Variants in NALF1 observed in about 807,000 individuals in gnomAD.
NALF1 encodes the protein NALCN channel auxiliary factor 1, also known as family with sequence similarity 155 member A.
NALF1 carries 3 observed loss-of-function variants against 48.4 expected under a neutral mutation model. The observed-to-expected ratio is 0.06, with a 90% confidence interval of 0.03 to 0.16. The LOEUF is 0.16. Among genes scored for constraint, NALF1 ranks in the 10% least tolerant of loss-of-function variants. The probability of loss-of-function intolerance (pLI) is 1.00; values close to 1 mark genes in which losing one functional copy is unlikely to be tolerated. For missense variants in NALF1, 526 were observed against 571.5 expected, an observed-to-expected ratio of 0.92 and a Z score of 0.81; for synonymous variants, 262 against 245.7, an observed-to-expected ratio of 1.07 and a Z score of -0.62.
intron 1 of NALF1, among the ~76,000 whole-genome samples, chr13:107,252,633 C>A (rs1310553147): frequency 6.6e-6 from 1 of 152,100 alleles, no homozygotes; most frequent in East Asian, 1.9e-4. Context: ...TAATTCCTTG[C>A]AAGTGAATCA....
chr13:107,853,507 T>C lies in NALF1; in HGVS notation c.915+12175A>G, dbSNP rs72657296. ...TAACCACTCCTGCAATTACAGCCTTTTGTAAAGTTGCTACTTTTATGAAAC... is the reference window on the plus strand; with the variant it reads ...TAACCACTCCTGCAATTACAGCCTTCTGTAAAGTTGCTACTTTTATGAAAC... On this transcript the variant is annotated intron_variant, in intron 1 of 2. Transcript: ENST00000375915. 7.9e-3 allele frequency among the ~76,000 whole-genome samples: 1,209 copies of C among 152,330 alleles called. 4 individuals are homozygous for C. Among genetic ancestry groups the C allele is most frequent in the Non-Finnish European group, 0.013 (904 of 68,020 alleles).
At chr13:107,171,805 T>C (rs1054719111) in intron 2 of NALF1, among the ~76,000 whole-genome samples, 1 of 152,198 alleles carries the variant, frequency 6.6e-6, no homozygotes, top group Non-Finnish European at 1.5e-5. Flanking sequence ...ATGAACTTTC[T>C]ACACAAATTT....
intron 1 of NALF1, among the ~76,000 whole-genome samples, chr13:107,570,257 C>T (rs1366172557): frequency 1.3e-5 from 2 of 152,092 alleles, no homozygotes; most frequent in Non-Finnish European, 2.9e-5. Context: ...CAGACATCCT[C>T]ATGTTAATTC....
intron 1 of NALF1, among the ~76,000 whole-genome samples, chr13:107,307,924 A>G (rs1186670001): frequency 1.3e-5 from 2 of 152,178 alleles, no homozygotes; most frequent in Non-Finnish European, 2.9e-5. Flanking sequence ...GCTGTGATTC[A>G]TGATCATGGG....
At chr13:107,702,907 T>C (rs912948480) in intron 1 of NALF1, among the ~76,000 whole-genome samples, 3 of 152,228 alleles carry the variant, frequency 2.0e-5, no homozygotes, top group African/African-American at 7.2e-5. Context: ...TAGTATCCCA[T>C]GGTGTATATG....
intron 1 of NALF1, among the ~76,000 whole-genome samples, chr13:107,376,217 T>C (rs918333263): frequency 2.0e-5 from 3 of 152,182 alleles, no homozygotes; most frequent in Non-Finnish European, 4.4e-5. Flanking sequence ...ACCCTTCAAG[T>C]GACTGCAGTC....
chr13:107,639,751 C>G (rs1289334153), intron 1 of NALF1, among the ~76,000 whole-genome samples: 1 of 152,110 alleles, frequency 6.6e-6, no homozygotes, highest in East Asian at 1.9e-4. Context: ...ATGCCTGAAA[C>G]CTCAAGTAAA....
chr13:107,624,747 AC>A (rs1466684285), intron 1 of NALF1, among the ~76,000 whole-genome samples: 1 of 152,154 alleles, frequency 6.6e-6, no homozygotes, highest in Non-Finnish European at 1.5e-5. Flanking sequence ...TACCAGTACT[AC>A]TCAATTCCTC....
chr13:107,624,485 C>A (rs914364549), intron 1 of NALF1, among the ~76,000 whole-genome samples: 8 of 152,074 alleles, frequency 5.3e-5, no homozygotes, highest in African/African-American at 1.7e-4. Context: ...CTGTATAATA[C>A]TTTTTAGGCA....
intron 1 of NALF1, among the ~76,000 whole-genome samples, chr13:107,461,568 T>C (rs1054940543): frequency 2.0e-5 from 3 of 152,210 alleles, no homozygotes; most frequent in African/African-American, 4.8e-5. Flanking sequence ...TGAAAAATCA[T>C]ATTCTTTTCT....
intron 1 of NALF1, among the ~76,000 whole-genome samples, chr13:107,233,808 G>C (rs1294112063): frequency 6.6e-6 from 1 of 152,176 alleles, no homozygotes; most frequent in African/African-American, 2.4e-5. Context: ...GTGAGGGAGA[G>C]AGGAAAAGCT....
At chr13:107,286,585 T>G (rs1376082887) in intron 1 of NALF1, among the ~76,000 whole-genome samples, 1 of 65,952 alleles carries the variant, frequency 1.5e-5, no homozygotes. Flanking sequence ...AGACCCTGTC[T>G]CAAAAAAAAA....
At chr13:107,283,605 G>A (rs1186300457) in intron 1 of NALF1, among the ~76,000 whole-genome samples, 3 of 151,526 alleles carry the variant, frequency 2.0e-5, no homozygotes, top group Non-Finnish European at 4.4e-5. Flanking sequence ...GGATGAAGCA[G>A]AGCGGATCTT....
intron 1 of NALF1, among the ~76,000 whole-genome samples, chr13:107,406,170 G>A (rs995058720): frequency 1.3e-5 from 2 of 151,938 alleles, no homozygotes; most frequent in Non-Finnish European, 2.9e-5. Flanking sequence ...GAAGTCACTT[G>A]ATTATTTAGA....
At chr13:107,768,330 T>C (rs1158263689) in intron 1 of NALF1, among the ~76,000 whole-genome samples, 6 of 152,226 alleles carry the variant, frequency 3.9e-5, no homozygotes, top group Admixed American at 2.0e-4. Context: ...TTCAATACTG[T>C]AATCCTTCAA....
chr13:107,437,057 AC>A (rs140813956), intron 1 of NALF1, among the ~76,000 whole-genome samples: 7,713 of 152,164 alleles, frequency 0.051, 297 homozygotes, highest in African/African-American at 0.11. Context: ...AACGTAAGCA[AC>A]CCAATTAAAC....
At chr13:107,643,950 G>A (rs1880234027) in intron 1 of NALF1, among the ~76,000 whole-genome samples, 1 of 147,096 alleles carries the variant, frequency 6.8e-6, no homozygotes. Flanking sequence ...TCCTGCCACT[G>A]AGTTTCAGAT....
At chr13:107,827,590 C>A (rs1040440222) in intron 1 of NALF1, among the ~76,000 whole-genome samples, 3 of 152,168 alleles carry the variant, frequency 2.0e-5, no homozygotes, top group Non-Finnish European at 4.4e-5. Flanking sequence ...TCAGCAGGCA[C>A]CAGCCACCTC....
intron 1 of NALF1, among the ~76,000 whole-genome samples, chr13:107,853,510 T>C (rs553333332): frequency 1.3e-5 from 2 of 152,350 alleles, no homozygotes; most frequent in East Asian, 3.9e-4. Flanking sequence ...CAGCCTTTTG[T>C]AAAGTTGCTA....
Sources: gnomAD v4.1 joint callset for allele counts (sites outside exome capture counted in the v4.1 genomes callset) on GRCh38, gnomAD v4.1.1 for gene constraint, MANE v1.5 for transcripts, NCBI Gene and HGNC (gene_info 2026-07-23, HGNC 2026-07-21) for gene names.